Variants in CENPE observed in about 807,000 individuals in gnomAD.
The protein encoded by CENPE is centromere protein E.
In CENPE, 145 loss-of-function variants were observed where a neutral mutation model predicts 336.1. The observed-to-expected ratio is 0.43, with a 90% confidence interval of 0.38 to 0.50. The LOEUF (loss-of-function observed/expected upper bound fraction) is 0.50. Ranked by LOEUF, CENPE falls within the 20% of genes least tolerant of loss-of-function variation. The pLI is 0.00. For missense variants in CENPE, 2,719 were observed against 3,023.3 expected, an observed-to-expected ratio of 0.90 and a Z score of 2.36; for synonymous variants, 1,013 against 984.8, an observed-to-expected ratio of 1.03 and a Z score of -0.54.
chr4:103,142,971 T>C (rs1318322420), intron 34 of CENPE, among the ~76,000 whole-genome samples: 1 of 133,770 alleles, frequency 7.5e-6, no homozygotes, highest in African/African-American at 2.8e-5. Context: ...ATCATGCCGT[T>C]GCACTCCAGG....
intron 21 of CENPE, among the ~76,000 whole-genome samples, chr4:103,159,531 T>C (rs1443265091): frequency 6.6e-6 from 1 of 151,912 alleles, no homozygotes; most frequent in Non-Finnish European, 1.5e-5. Context: ...TATTTTCTAA[T>C]CTCTTTGTAT....
chr4:103,183,197 T>G lies in CENPE; in HGVS notation c.833+4A>C. On this transcript the variant is annotated splice_donor_region_variant and intron_variant, in intron 10 of 48. Transcript: ENST00000265148. ...TAGGTAAGTGCACAACGGGATAAAC[T>G]TACCCAACTTGTCCATCACTAAGTT... The G allele has an allele frequency of 1.2e-6, 2 of 1,608,986 alleles. No homozygotes were observed. The highest frequency in any genetic ancestry group is 1.7e-6 in the Non-Finnish European group (2 of 1,176,178).
intron 28 of CENPE, among the ~76,000 whole-genome samples, chr4:103,148,474 T>A (rs1753254011): frequency 6.6e-6 from 1 of 152,206 alleles, no homozygotes; most frequent in Admixed American, 6.5e-5. Context: ...AAGAACAATG[T>A]CTTATTTATA....
Position 103,149,353 on chromosome 4 carries a change from C to T in CENPE, c.3452G>A (p.Ser1151Asn). 1 of 1,606,082 alleles carries T rather than the reference C, an allele frequency of 6.2e-7. No individual in the cohort carries two copies. Among genetic ancestry groups the T allele is most frequent in the Non-Finnish European group, 8.5e-7 (1 of 1,178,478 alleles). The change falls in exon 27 of 49, where the codon AGT (serine) becomes AAT (asparagine). Residue 1151 changes from serine to asparagine, a missense_variant. Around this residue, in one of 5 missense-constraint regions of CENPE, gnomAD observed 2,437 missense variants for 2,513.3 expected, o/e 0.97. Coordinates refer to ENST00000265148, the MANE Select transcript of CENPE (RefSeq NM_001813.3). ...TTCATTAATCTTTTTCTGCATCTCA[C>T]TCATCTCTTCTTGTACATTAAGAAG... ...QQLLNVQEEM[S>N]EMQKKINEIE...
In CENPE at chr4:103,112,699, T is replaced by C. The variant is rs868460685; in HGVS notation, c.7541-1688A>G. Among the ~76,000 whole-genome samples the C allele has an allele frequency of 1.1e-4, 15 of 131,244 alleles. No individual in the cohort carries two copies. In the South Asian group the frequency reaches 1.9e-3, roughly 17 times the overall value. 86.1% of individuals were successfully genotyped at this position (131,244 alleles called of 152,430 possible). On this transcript the variant is annotated intron_variant, in intron 46 of 48. Transcript: ENST00000265148. ...ATATACTTGTAAGTATATATAAGTGTATATATATACTTATAAGTATATAAG... is the reference window on the plus strand; with the variant it reads ...ATATACTTGTAAGTATATATAAGTGCATATATATACTTATAAGTATATAAG...
At chr4:103,159,597 T>G (rs1001908325) in intron 21 of CENPE, among the ~76,000 whole-genome samples, 2 of 151,902 alleles carry the variant, frequency 1.3e-5, no homozygotes, top group African/African-American at 4.8e-5. Flanking sequence ...AGATTGTCTT[T>G]ATTTCCTTAC....
At chr4:103,172,611 A>C (rs1755505100) in intron 16 of CENPE, among the ~76,000 whole-genome samples, 1 of 152,076 alleles carries the variant, frequency 6.6e-6, no homozygotes, top group Non-Finnish European at 1.5e-5. Flanking sequence ...GCTATTAGGC[A>C]AAAGAGAAAA....
chr4:103,148,127 T>A (rs1211820721), intron 28 of CENPE, among the ~76,000 whole-genome samples: 3 of 152,220 alleles, frequency 2.0e-5, no homozygotes, highest in Non-Finnish European at 4.4e-5. Flanking sequence ...CTGCTAAAGC[T>A]ATTCATGACT....
At position 103,149,378 on chromosome 4, in the gene CENPE, G is replaced by C; in HGVS notation, c.3427C>G (p.Leu1143Val). ...SQQLQEKQQQ[L>V]LNVQEEMSEM... ...CTCATCTCTTCTTGTACATTAAGAA[G>C]TTGTTGCTGTTTTTCTTGGAGTTGC... The change falls in exon 27 of 49, where the codon CTT (leucine) becomes GTT (valine). Residue 1143 changes from leucine to valine, a missense_variant. Leu to Val is a conservative substitution (Grantham distance 32). Transcript: ENST00000265148. The C allele has an allele frequency of 1.3e-6, 2 of 1,571,618 alleles. No individual in the cohort carries two copies. The highest frequency in any genetic ancestry group is 1.7e-6 in the Non-Finnish European group (2 of 1,165,268).
At chr4:103,177,946 C>T (rs975586714) in intron 13 of CENPE, among the ~76,000 whole-genome samples, 3 of 151,978 alleles carry the variant, frequency 2.0e-5, no homozygotes, top group African/African-American at 7.2e-5. Flanking sequence ...CTCTCATTGC[C>T]GTTGCTGTCC....
intron 25 of CENPE, among the ~76,000 whole-genome samples, chr4:103,152,335 G>C (rs1753632823): frequency 6.6e-6 from 1 of 152,116 alleles, no homozygotes; most frequent in Non-Finnish European, 1.5e-5. Flanking sequence ...ACACCCATTA[G>C]AATGGCTAAA....
intron 11 of CENPE, 121 bp downstream of exon 11, chr4:103,182,641 C>A: frequency 1.4e-6 from 1 of 726,644 alleles, no homozygotes; most frequent in Non-Finnish European, 2.1e-6. Context: ...ATTTAGTAGA[C>A]AACATATCGA....
chr4:103,163,583 C>T (rs762809389), intron 16 of CENPE, 30 bp from the exon 17 acceptor site: 3 of 519,830 alleles, frequency 5.8e-6, no homozygotes, highest in African/African-American at 6.8e-5. Flanking sequence ...GGTAACAGAG[C>T]AAACCAATAG....
At chr4:103,158,276 ACTC>A in intron 24 of CENPE, 21 bp downstream of exon 24, 1 of 1,564,744 alleles carries the variant, frequency 6.4e-7, no homozygotes, top group Non-Finnish European at 8.6e-7. Context: ...GCATATGAAA[ACTC>A]TGAAAATAAA....
At chr4:103,123,149 C>A in intron 42 of CENPE, 60 bp from the exon 43 acceptor site, 1 of 1,219,550 alleles carries the variant, frequency 8.2e-7, no homozygotes. Context: ...CCCCACTTAC[C>A]TGCAATTTTA....
Position 103,143,303 on chromosome 4 carries a change from T to TTTG in CENPE, c.5248_5249insCAA (p.Glu1750delinsAlaLys). On this transcript the variant is annotated protein_altering_variant, in exon 34 of 49. Coordinates refer to ENST00000265148, the MANE Select transcript of CENPE (RefSeq NM_001813.3). The stretch of plus-strand genomic sequence containing the variant: ...TAAGTCCTTTTGCATATTTGATATT[T>TTTG]CATTTGTTTTCTCTGAAACAATCCC... 1 of 1,607,600 alleles carries TTTG rather than the reference T, an allele frequency of 6.2e-7. No individual in the cohort carries two copies. The highest frequency in any genetic ancestry group is 8.5e-7 in the Non-Finnish European group (1 of 1,174,770).
chr4:103,182,876 A>G lies in CENPE; in HGVS notation c.849T>C (p.Tyr283=), dbSNP rs755255229. 25 of 1,612,314 alleles carry G rather than the reference A, an allele frequency of 1.6e-5. No individual in the cohort carries two copies. Among genetic ancestry groups the G allele is most frequent in the Non-Finnish European group, 2.0e-5 (23 of 1,179,144 alleles). The stretch of plus-strand genomic sequence containing the variant: ...GAATTCGTGTTAACTTGCTATCTCG[A>G]TAATTTATGAAACCACTTAGCAAGG... ...SDGQVGGFIN[Y]RDSKLTRILQ... is the part of the protein sequence containing the mutation. The change falls in exon 11 of 49, where the codon TAT becomes TAC. Residue 283 remains tyrosine (Y), a synonymous_variant. Coordinates refer to ENST00000265148, the MANE Select transcript of CENPE (RefSeq NM_001813.3).
At chr4:103,175,369 G>A (rs570800661) in intron 15 of CENPE, among the ~76,000 whole-genome samples, 1 of 151,522 alleles carries the variant, frequency 6.6e-6, no homozygotes, top group African/African-American at 2.4e-5. Context: ...TTACACCAGA[G>A]ATTGTAAAAA....
Position 103,141,741 on chromosome 4 carries a change from TA to T in CENPE, c.5463+8del. The T allele has an allele frequency of 6.7e-7, 1 of 1,500,744 alleles. No homozygotes were observed. Among genetic ancestry groups the T allele is most frequent in the South Asian group, 1.2e-5 (1 of 82,904 alleles). The allele number at this position is 1,500,744 out of a possible 1,614,324, so 93.0% of individuals were successfully genotyped here. On this transcript the variant is annotated splice_region_variant and intron_variant, in intron 35 of 48. Coordinates refer to ENST00000265148, the MANE Select transcript of CENPE (RefSeq NM_001813.3). ...GATATCCAATCAAACAATCCCCCCATAAAAATACCTTTTCTTGTAATTTAGC... is the reference window on the plus strand; with the variant it reads ...GATATCCAATCAAACAATCCCCCCATAAAATACCTTTTCTTGTAATTTAGC...
Sources: allele counts gnomAD v4.1 joint callset (sites outside exome capture counted in the v4.1 genomes callset), GRCh38; gene constraint gnomAD v4.1.1; regional missense constraint gnomAD v4.1.1; transcripts MANE v1.5; gene names NCBI Gene and HGNC (gene_info 2026-07-23, HGNC 2026-07-21).